Variants in WDR49 observed in about 807,000 individuals in gnomAD.
WDR49 encodes the protein cilia- and flagella-associated protein 337.
A neutral mutation model predicts 119.5 loss-of-function variants in WDR49; 107 were observed. That is an observed-to-expected ratio of 0.90 (90% CI 0.77 to 1.05). The LOEUF is 1.05. Ranked by LOEUF, WDR49 falls within the 50% of genes least tolerant of loss-of-function variation. The probability of loss-of-function intolerance (pLI) is 0.00; values close to 1 mark genes in which losing one functional copy is unlikely to be tolerated. For missense variants in WDR49, 1,240 were observed against 1,220.5 expected (o/e 1.02, Z -0.24); for synonymous variants, 425 against 418.8 (o/e 1.01, Z -0.18).
At chr3:167,573,997 T>A (rs1305181990) in intron 8 of WDR49, among the ~76,000 whole-genome samples, 2 of 152,252 alleles carry the variant, frequency 1.3e-5, no homozygotes, top group East Asian at 3.8e-4. Context: ...TCTGCTGAAA[T>A]GTGACCAACA....
At chr3:167,648,012 C>T (rs1718206510) in intron 2 of WDR49, among the ~76,000 whole-genome samples, 1 of 152,078 alleles carries the variant, frequency 6.6e-6, no homozygotes, top group African/African-American at 2.4e-5. Flanking sequence ...GATTCATGTT[C>T]CTTAGAGCAA....
chr3:167,527,817 T>C lies in WDR49; in HGVS notation c.2604+3A>G, dbSNP rs372827251. The C allele has an allele frequency of 1.9e-5, 30 of 1,611,728 alleles. No homozygotes were observed. In the African/African-American group the frequency reaches 3.5e-4, roughly 19 times the overall value. The stretch of plus-strand genomic sequence containing the variant: ...TAGAATAATAAAGAAGCAATATTTC[T>C]ACCTGACCAAAGATCCAAACAGGAG... On this transcript the variant is annotated splice_donor_region_variant and intron_variant, in intron 15 of 18. Coordinates refer to ENST00000682715, the MANE Select transcript of WDR49 (RefSeq NM_001366157.1).
chr3:167,580,367 T>C (rs1714472328), intron 7 of WDR49, among the ~76,000 whole-genome samples: 1 of 152,188 alleles, frequency 6.6e-6, no homozygotes, highest in Non-Finnish European at 1.5e-5. Context: ...ATGTTCTTAA[T>C]TTTCCCTGCC....
chr3:167,566,659 C>T (rs1296014119), intron 8 of WDR49, among the ~76,000 whole-genome samples: 1 of 152,086 alleles, frequency 6.6e-6, no homozygotes, highest in African/African-American at 2.4e-5. Flanking sequence ...CCCAAAAAAA[C>T]TTAAGTACTC....
Position 167,560,049 on chromosome 3 carries a change from T to C in WDR49, c.1674+15A>G, listed in dbSNP as rs1276859643. The C allele has an allele frequency of 2.5e-6, 4 of 1,613,716 alleles. No homozygotes were observed. The highest frequency in any genetic ancestry group is 3.4e-6 in the Non-Finnish European group (4 of 1,179,774). ...CTCCTCATATCTGGATAGAAAAGCA[T>C]CATTGTGTTCGCACCTTTACAGTCC... On this transcript the variant is annotated intron_variant, in intron 9 of 18. Transcript: ENST00000682715.
intron 18 of WDR49, among the ~76,000 whole-genome samples, chr3:167,495,884 A>G (rs1418999376): frequency 7.8e-4 from 31 of 39,930 alleles, no homozygotes; most frequent in African/African-American, 4.9e-3. Flanking sequence ...TAAAAATTTG[A>G]AAAAAAAAAA....
chr3:167,562,634 T>C (rs1052757015), intron 8 of WDR49, among the ~76,000 whole-genome samples: 1 of 152,206 alleles, frequency 6.6e-6, no homozygotes, highest in Non-Finnish European at 1.5e-5. Flanking sequence ...TAGCATTCCA[T>C]GTCATTAACT....
At chr3:167,573,167 C>G (rs1274533768) in intron 8 of WDR49, among the ~76,000 whole-genome samples, 1 of 152,094 alleles carries the variant, frequency 6.6e-6, no homozygotes, top group East Asian at 1.9e-4. Flanking sequence ...TCAGTCCTAA[C>G]AAGGCAATGC....
chr3:167,623,052 T>A (rs1395516330), intron 3 of WDR49, among the ~76,000 whole-genome samples: 2 of 151,756 alleles, frequency 1.3e-5, no homozygotes, highest in East Asian at 3.9e-4. Flanking sequence ...TCAAAAAAAG[T>A]GTCACAAAGA....
At position 167,560,223 on chromosome 3, in the gene WDR49, G is replaced by A. The variant is rs1422618864; in HGVS notation, c.1515C>T (p.Ile505=). 2 of 1,610,602 alleles carry A rather than the reference G, an allele frequency of 1.2e-6. No homozygotes were observed. The highest frequency in any genetic ancestry group is 1.7e-6 in the Non-Finnish European group (2 of 1,178,918). The change falls in exon 9 of 19, where the codon ATC becomes ATT. Residue 505 remains isoleucine (I), a synonymous_variant. Transcript: ENST00000682715. ...AAACAGTAGACCCTGTATCAGAGCTGATTACCTAAGAGAAAATAACATTTT... is the reference window on the plus strand; with the variant it reads ...AAACAGTAGACCCTGTATCAGAGCTAATTACCTAAGAGAAAATAACATTTT... The part of the protein sequence containing the change: ...VLYNSILKQV[I]SSDTGSTVSF...
At chr3:167,606,142 A>G (rs1419541285) in intron 5 of WDR49, among the ~76,000 whole-genome samples, 1 of 152,204 alleles carries the variant, frequency 6.6e-6, no homozygotes, top group Non-Finnish European at 1.5e-5. Context: ...GTAGCAAAGC[A>G]CTAGAATGCA....
intron 18 of WDR49, among the ~76,000 whole-genome samples, chr3:167,483,217 T>C (rs1053988809): frequency 6.6e-6 from 1 of 152,242 alleles, no homozygotes; most frequent in Non-Finnish European, 1.5e-5. Context: ...TGTGGATAAC[T>C]GTACATCAGC....
intron 8 of WDR49, among the ~76,000 whole-genome samples, chr3:167,570,373 T>A (rs1197741072): frequency 1.3e-5 from 2 of 152,124 alleles, no homozygotes; most frequent in African/African-American, 2.4e-5. Flanking sequence ...CCAAATACCC[T>A]CAATTTCCAA....
At chr3:167,528,450 A>T (rs1752716421) in intron 14 of WDR49, among the ~76,000 whole-genome samples, 1 of 151,962 alleles carries the variant, frequency 6.6e-6, no homozygotes. Flanking sequence ...TTTAAATTAC[A>T]TTTACAATCT....
chr3:167,548,365 T>A (rs188292123), intron 10 of WDR49, among the ~76,000 whole-genome samples: 6 of 152,160 alleles, frequency 3.9e-5, no homozygotes, highest in Admixed American at 3.3e-4. Flanking sequence ...ATCATAGTCA[T>A]GTTAGTTAAA....
chr3:167,497,324 G>A (rs989651709), intron 18 of WDR49, among the ~76,000 whole-genome samples: 2 of 151,508 alleles, frequency 1.3e-5, no homozygotes, highest in African/African-American at 4.9e-5. Context: ...TTCAAAACAG[G>A]GAAGTAAAGG....
In WDR49 at chr3:167,522,437, A is replaced by G. The variant is rs773010524; in HGVS notation, c.2652T>C (p.Asp884=). Residue 884 remains aspartate (D), a synonymous_variant, in exon 16 of 19, where the codon GAT becomes GAC. Coordinates refer to ENST00000682715, the MANE Select transcript of WDR49 (RefSeq NM_001366157.1). ...GAATCTCACTTTCCACTAAATTAGT[A>G]TCTCTTTTAGGAAGGAAAAGGCAGT... ...IENCLFLPKR[D]TNLVESEIQK... 2 of 1,610,726 alleles carry G rather than the reference A, an allele frequency of 1.2e-6. No individual in the cohort carries two copies. Among genetic ancestry groups the G allele is most frequent in the Non-Finnish European group, 8.5e-7 (1 of 1,179,108 alleles).
chr3:167,479,308 T>C (rs1750603582), intron 18 of WDR49, among the ~76,000 whole-genome samples: 1 of 152,126 alleles, frequency 6.6e-6, no homozygotes, highest in African/African-American at 2.4e-5. Context: ...TTAACAGCTA[T>C]CAAGACATAA....
chr3:167,601,933 C>T (rs1715789611), intron 7 of WDR49, among the ~76,000 whole-genome samples, 194 bp downstream of exon 7: 1 of 152,118 alleles, frequency 6.6e-6, no homozygotes, highest in Non-Finnish European at 1.5e-5. Context: ...ATACTTTGCC[C>T]ACTTGTCTAG....
Sources: allele counts gnomAD v4.1 joint callset (sites outside exome capture counted in the v4.1 genomes callset), GRCh38; gene constraint gnomAD v4.1.1; transcripts MANE v1.5; gene names NCBI Gene and HGNC (gene_info 2026-07-23, HGNC 2026-07-21).